The following TRIM24 variants were observed in gnomAD, a reference collection of about 807,000 sequenced individuals.
The protein encoded by TRIM24 is transcription intermediary factor 1-alpha.
TRIM24 carries 29 observed loss-of-function variants against 123.9 expected under a neutral mutation model. The ratio of observed to expected loss-of-function variants is 0.23; its 90% CI spans 0.17 to 0.32. The LOEUF (loss-of-function observed/expected upper bound fraction) is 0.32, where lower values mean the gene tolerates loss of function less well. Ranked by LOEUF, TRIM24 falls within the 10% of genes least tolerant of loss-of-function variation. TRIM24 has a pLI of 1.00. For synonymous variants in TRIM24, 456 were observed against 461.1 expected (o/e 0.99, Z 0.14); for missense variants, 932 against 1,295.3 (o/e 0.72, Z 4.31).
Position 138,538,547 on chromosome 7 carries a change from A to G in TRIM24, c.997-110A>G, listed in dbSNP as rs902161694. The stretch of plus-strand genomic sequence containing the variant: ...AAAACAGAGTATTTTTAGTTTCAGT[A>G]AATTGAGTAATTAGAGATTGTAGTT... On this transcript the variant is annotated intron_variant, in intron 6 of 18. Transcript: ENST00000343526. 2.5e-6 allele frequency: 3 copies of G among 1,206,936 alleles called. No homozygotes were observed. In the South Asian group the frequency reaches 4.5e-5, roughly 18 times the overall value. The allele number at this position is 1,206,936 out of a possible 1,614,324, so 74.8% of individuals were successfully genotyped here.
intron 1 of TRIM24, among the ~76,000 whole-genome samples, chr7:138,469,081 C>T (rs1795213646): frequency 1.3e-5 from 2 of 152,176 alleles, no homozygotes; most frequent in Admixed American, 1.3e-4. Flanking sequence ...TGGTAATATA[C>T]AGTAATTAAT....
chr7:138,463,989 C>CAT (rs1554429651), intron 1 of TRIM24, among the ~76,000 whole-genome samples: 1 of 50,766 alleles, frequency 2.0e-5, no homozygotes, highest in African/African-American at 8.2e-5. Context: ...AAAATTTAGA[C>CAT]TTTTTTTTTT....
At chr7:138,512,699 G>T (rs1360547292) in intron 2 of TRIM24, among the ~76,000 whole-genome samples, 1 of 152,064 alleles carries the variant, frequency 6.6e-6, no homozygotes, top group African/African-American at 2.4e-5. Flanking sequence ...GAGCCCCTGA[G>T]CCTGGCCTGG....
rs1388113681 is a variant in TRIM24, at chr7:138,577,544, G to A, written c.2212G>A (p.Val738Ile). ...GPPENYDFPV[V>I]IVKQESDEES... ...ACCGGAAAATTATGATTTCCCTGTT[G>A]TTATAGTGAAGCAAGAATCAGATGA... The change falls in exon 14 of 19, where the codon GTT becomes ATT. Residue 738 changes from valine (V) to isoleucine (I), a missense_variant. Coordinates refer to ENST00000343526, the MANE Select transcript of TRIM24 (RefSeq NM_015905.3). 6.2e-7 allele frequency: 1 copy of A among 1,610,710 alleles called. No homozygotes were observed. The highest frequency in any genetic ancestry group is 8.5e-7 in the Non-Finnish European group (1 of 1,178,654).
intron 7 of TRIM24, chr7:138,545,569 C>G (rs528177305): frequency 5.0e-5 from 23 of 455,584 alleles, no homozygotes; most frequent in South Asian, 3.3e-4. Context: ...TATTTTTATT[C>G]TTGGACTCAG....
intron 1 of TRIM24, among the ~76,000 whole-genome samples, chr7:138,473,252 C>T (rs966265948): frequency 9.2e-5 from 14 of 152,192 alleles, no homozygotes; most frequent in Admixed American, 7.2e-4. Flanking sequence ...TGCACTCCAG[C>T]CTGGGTGACA....
At position 138,504,213 on chromosome 7, in the gene TRIM24, G is replaced by C. The variant is rs1584704855; in HGVS notation, c.365-77G>C. The C allele has an allele frequency of 6.9e-6, 6 of 870,430 alleles. No individual in the cohort carries two copies. In the East Asian group the frequency reaches 1.8e-4, roughly 26 times the overall value. 53.9% of individuals were successfully genotyped at this position (870,430 alleles called of 1,614,324 possible). On this transcript the variant is annotated intron_variant, in intron 1 of 18. Coordinates refer to ENST00000343526, the MANE Select transcript of TRIM24 (RefSeq NM_015905.3). Reference sequence around the variant, plus strand: ...AGAATGGACATTGAAAAAGAACAAAGTCACAGTTTGAGATGTATTGGTTAA... The same window carrying C: ...AGAATGGACATTGAAAAAGAACAAACTCACAGTTTGAGATGTATTGGTTAA...
chr7:138,569,236 C>T (rs1016515054), intron 10 of TRIM24, among the ~76,000 whole-genome samples: 1 of 152,118 alleles, frequency 6.6e-6, no homozygotes. Context: ...CAAATGTTTA[C>T]CTCTTCCCTA....
intron 1 of TRIM24, among the ~76,000 whole-genome samples, chr7:138,502,745 A>G (rs148300504): frequency 1.8e-4 from 28 of 152,288 alleles, no homozygotes; most frequent in African/African-American, 6.7e-4. Context: ...ATCTTTCCAG[A>G]TTTTAAGTAT....
At chr7:138,495,370 A>G (rs1795881296) in intron 1 of TRIM24, among the ~76,000 whole-genome samples, 1 of 152,182 alleles carries the variant, frequency 6.6e-6, no homozygotes, top group African/African-American at 2.4e-5. Context: ...TGATTCTGAC[A>G]GTCTGTTTCA....
chr7:138,566,269 A>T (rs10262919), intron 9 of TRIM24, among the ~76,000 whole-genome samples: 1,988 of 152,206 alleles, frequency 0.013, 36 homozygotes, highest in African/African-American at 0.045. Flanking sequence ...TAATCCCAGG[A>T]CTTTGGGAGG....
At chr7:138,502,494 C>T (rs1293717795) in intron 1 of TRIM24, among the ~76,000 whole-genome samples, 1 of 152,194 alleles carries the variant, frequency 6.6e-6, no homozygotes, top group African/African-American at 2.4e-5. Context: ...TAATCTAGGT[C>T]TTGAACAGTT....
chr7:138,581,045 T>C (rs1189339792), intron 16 of TRIM24, among the ~76,000 whole-genome samples: 2 of 152,224 alleles, frequency 1.3e-5, no homozygotes, highest in Non-Finnish European at 2.9e-5. Context: ...TTTTCTTTAC[T>C]CTTCCTGGAA....
At chr7:138,564,125 G>A (rs929344844) in intron 9 of TRIM24, among the ~76,000 whole-genome samples, 1 of 152,174 alleles carries the variant, frequency 6.6e-6, no homozygotes, top group African/African-American at 2.4e-5. Flanking sequence ...CATGTAGGAG[G>A]GGGTATGGTG....
intron 1 of TRIM24, among the ~76,000 whole-genome samples, chr7:138,486,020 A>G (rs1482217281): frequency 6.6e-6 from 1 of 152,098 alleles, no homozygotes; most frequent in Non-Finnish European, 1.5e-5. Context: ...TGACTTTTTA[A>G]TGATCGCCAT....
At chr7:138,508,682 TGTGTGTGTGTGCGCGCGCGTGTGTGC>T (rs1181817988) in intron 2 of TRIM24, among the ~76,000 whole-genome samples, 5 of 47,120 alleles carry the variant, frequency 1.1e-4, no homozygotes, top group Non-Finnish European at 2.3e-4. Context: ...TGTGTGTGTG[TGTGTGTGTGTGCGCGCGCGTGTGTGC>T]GTGTGTGTGT....
chr7:138,570,944 C>A lies in TRIM24; in HGVS notation c.1819C>A (p.Pro607Thr). 1.2e-6 allele frequency: 2 copies of A among 1,614,132 alleles called. No homozygotes were observed. The highest frequency in any genetic ancestry group is 1.7e-6 in the Non-Finnish European group (2 of 1,180,012). ...AGYDGKAFGS[P>T]MIDLSSPVGG... is the part of the protein sequence containing the mutation. ...ATATGATGGAAAGGCTTTTGGTTCA[C>A]CTATGATCGATTTGAGCTCACCAGT... Residue 607 changes from proline (P) to threonine (T), a missense_variant, in exon 11 of 19, where the codon CCT becomes ACT. Physicochemically the swap from Pro to Thr is conservative, Grantham distance 38 (BLOSUM62 -1). Coordinates refer to ENST00000343526, the MANE Select transcript of TRIM24 (RefSeq NM_015905.3).
At chr7:138,463,611 C>T (rs1795061908) in intron 1 of TRIM24, among the ~76,000 whole-genome samples, 1 of 152,168 alleles carries the variant, frequency 6.6e-6, no homozygotes, top group Non-Finnish European at 1.5e-5. Context: ...AGAATTATGA[C>T]ATATTGTTTG....
chr7:138,566,733 A>C (rs1037152426), intron 9 of TRIM24, among the ~76,000 whole-genome samples: 2 of 152,174 alleles, frequency 1.3e-5, no homozygotes, highest in Non-Finnish European at 2.9e-5. Flanking sequence ...AGGTAATAAT[A>C]CCTACTTCAT....
Sources: allele counts gnomAD v4.1 joint callset (sites outside exome capture counted in the v4.1 genomes callset), GRCh38; gene constraint gnomAD v4.1.1; transcripts MANE v1.5; gene names NCBI Gene and HGNC (gene_info 2026-07-23, HGNC 2026-07-21).